Variants in CSPP1 observed in about 807,000 individuals in gnomAD.
CSPP1 encodes centrosome and spindle pole associated protein 1.
In CSPP1, 126 loss-of-function variants were observed where a neutral mutation model predicts 164.4. The observed-to-expected ratio is 0.77, with a 90% confidence interval of 0.66 to 0.89. The LOEUF (loss-of-function observed/expected upper bound fraction) is 0.89, where lower values mean the gene tolerates loss of function less well. Among genes scored for constraint, CSPP1 ranks in the 40% least tolerant of loss-of-function variants. CSPP1 has a pLI of 0.00. For missense variants in CSPP1, 1,395 were observed against 1,449.8 expected (o/e 0.96, Z 0.61); for synonymous variants, 472 against 476.7 (o/e 0.99, Z 0.13).
chr8:67,119,742 G>GT (rs1818625606), intron 15 of CSPP1, among the ~76,000 whole-genome samples: 1 of 151,932 alleles, frequency 6.6e-6, no homozygotes, highest in African/African-American at 2.4e-5. Context: ...TAGGTTGTTT[G>GT]TTTTTTGTTG....
In CSPP1 at chr8:67,137,471, G is replaced by A; in HGVS notation, c.1843G>A (p.Glu615Lys). 6.6e-7 allele frequency: 1 copy of A among 1,524,052 alleles called. No homozygotes were observed. The highest frequency in any genetic ancestry group is 8.9e-7 in the Non-Finnish European group (1 of 1,121,354). 94.4% of individuals were successfully genotyped at this position (1,524,052 alleles called of 1,614,324 possible). ...TGTTGTCAAGATTCGGGAAAGAGAA[G>A]AAAGAAGGAAGAAAGAACGTGAAGA... ...ALQQQIRERE[E>K]RRKKEREEKE... The change falls in exon 17 of 31, where the codon GAA becomes AAA. Residue 615 changes from glutamate to lysine, a missense_variant. Coordinates refer to ENST00000678616, the MANE Select transcript of CSPP1 (RefSeq NM_001382391.1).
chr8:67,129,247 T>C (rs1241038065), intron 15 of CSPP1, among the ~76,000 whole-genome samples: 1 of 152,160 alleles, frequency 6.6e-6, no homozygotes, highest in East Asian at 1.9e-4. Flanking sequence ...AAAATATTCC[T>C]TTTGAGATTC....
chr8:67,066,754 CAT>C (rs1426849674), intron 1 of CSPP1, among the ~76,000 whole-genome samples: 5 of 151,920 alleles, frequency 3.3e-5, no homozygotes, highest in African/African-American at 1.2e-4. Flanking sequence ...TACACACACA[CAT>C]ATATACACAC....
Position 67,145,221 on chromosome 8 carries a change from TTTTA to T in CSPP1, c.1976-4547_1976-4544del, listed in dbSNP as rs201471019. Among the ~76,000 whole-genome samples the T allele has an allele frequency of 2.6e-4, 39 of 152,272 alleles. No individual in the cohort carries two copies. In the East Asian group the frequency reaches 5.0e-3, roughly 20 times the overall value. On this transcript the variant is annotated intron_variant, in intron 17 of 30. Coordinates refer to ENST00000678616, the MANE Select transcript of CSPP1 (RefSeq NM_001382391.1). ...TTGAATCATTCAAGGAAATTATTCA[TTTTA>T]TTTATTTATTTATTGGCATAATGTT...
intron 1 of CSPP1, among the ~76,000 whole-genome samples, chr8:67,072,884 A>G (rs1456930574): frequency 6.6e-6 from 1 of 151,348 alleles, no homozygotes; most frequent in South Asian, 2.1e-4. Context: ...AAAAAAAAAA[A>G]AAAAAAGAAA....
Position 67,196,397 on chromosome 8 carries a change from G to GT in CSPP1, c.*805dup, listed in dbSNP as rs1394526247. The GT allele has an allele frequency of 6.6e-5, 10 of 152,312 alleles. No individual in the cohort carries two copies. Among genetic ancestry groups the GT allele is most frequent in the African/African-American group, 2.4e-4 (10 of 41,582 alleles). The allele number at this position is 152,312 out of a possible 1,614,324, so 9.4% of individuals were successfully genotyped here. A position where few individuals can be genotyped will look rare whatever the true frequency, so the allele number is the denominator to read the frequency against. ...TGGAACCTTGGATAAGTGAGTCCAT[G>GT]TGAGTTTTCTAATCACTCAGTAAGT... is the stretch of plus-strand genomic sequence containing the variant. On this transcript the variant is annotated 3_prime_UTR_variant, in exon 31 of 31. Transcript: ENST00000678616.
intron 1 of CSPP1, chr8:67,064,901 G>A (rs1412365992): frequency 2.2e-5 from 4 of 181,944 alleles, no homozygotes; most frequent in South Asian, 1.0e-4. Context: ...TACACGGTCC[G>A]GATTCCTGGG....
intron 28 of CSPP1, among the ~76,000 whole-genome samples, chr8:67,184,010 G>A (rs777069127): frequency 5.3e-5 from 8 of 151,860 alleles, no homozygotes; most frequent in South Asian, 2.1e-4. Flanking sequence ...CTGCCACCAC[G>A]CCTGGCTAAT....
intron 7 of CSPP1, among the ~76,000 whole-genome samples, chr8:67,102,477 C>T (rs982738527): frequency 7.9e-5 from 12 of 152,020 alleles, no homozygotes; most frequent in African/African-American, 2.9e-4. Flanking sequence ...ATAGTCCCAG[C>T]TACTTGGGAG....
chr8:67,132,150 A>G, intron 16 of CSPP1, 70 bp downstream of exon 16: 2 of 1,446,372 alleles, frequency 1.4e-6, no homozygotes, highest in Non-Finnish European at 1.9e-6. Context: ...TAGAGCTCAG[A>G]GTGTGGCCGG....
intron 9 of CSPP1, among the ~76,000 whole-genome samples, chr8:67,109,768 G>A (rs1816435344): frequency 6.6e-6 from 1 of 152,116 alleles, no homozygotes; most frequent in African/African-American, 2.4e-5. Context: ...TGGGGTTGGA[G>A]TGAAAGTTTA....
chr8:67,103,744 G>A (rs1814682873), intron 8 of CSPP1, among the ~76,000 whole-genome samples: 3 of 151,250 alleles, frequency 2.0e-5, no homozygotes, highest in African/African-American at 4.9e-5. Flanking sequence ...GGAGGCTGAG[G>A]CAGGAGAATG....
chr8:67,100,092 C>T (rs1020298204), intron 7 of CSPP1, among the ~76,000 whole-genome samples: 6 of 152,030 alleles, frequency 3.9e-5, no homozygotes, highest in African/African-American at 9.6e-5. Flanking sequence ...AAACATTTTT[C>T]GGTCTTGATC....
intron 15 of CSPP1, among the ~76,000 whole-genome samples, chr8:67,119,246 G>T (rs940976844): frequency 6.6e-6 from 1 of 152,098 alleles, no homozygotes; most frequent in Non-Finnish European, 1.5e-5. Flanking sequence ...CATTGTAATT[G>T]TATACAACAT....
At chr8:67,185,813 C>T (rs183127852) in intron 28 of CSPP1, among the ~76,000 whole-genome samples, 1 of 152,044 alleles carries the variant, frequency 6.6e-6, no homozygotes, top group Non-Finnish European at 1.5e-5. Flanking sequence ...ACAAGATACT[C>T]CAGCCAGAAA....
chr8:67,123,895 C>T lies in CSPP1; in HGVS notation c.1697+5074C>T, dbSNP rs192988877. On this transcript the variant is annotated intron_variant, in intron 15 of 30. Transcript: ENST00000678616. ...CTGGGATTACGGGCATGAGCCACCG[C>T]GGCCAGGCTCTTTTTTTTTTTTTTA... 3.8e-3 allele frequency among the ~76,000 whole-genome samples: 577 copies of T among 150,898 alleles called. 3 individuals carry two copies. The highest frequency in any genetic ancestry group is 5.6e-3 in the Non-Finnish European group (377 of 67,708).
intron 18 of CSPP1, among the ~76,000 whole-genome samples, chr8:67,153,183 C>CA (rs1826028075): frequency 6.6e-6 from 1 of 152,070 alleles, no homozygotes; most frequent in South Asian, 2.1e-4. Context: ...GCCTGGGTGA[C>CA]AGAGCAAGAC....
In CSPP1 at chr8:67,196,205, C is replaced by T. The variant is rs1837905826; in HGVS notation, c.*612C>T. Reference sequence around the variant, plus strand: ...GCCAATGAAGGCATTTGTCTTGTTACTAATTACATGATGTAACTACTTCTT... The same window carrying T: ...GCCAATGAAGGCATTTGTCTTGTTATTAATTACATGATGTAACTACTTCTT... On this transcript the variant is annotated 3_prime_UTR_variant, in exon 31 of 31. Coordinates refer to ENST00000678616, the MANE Select transcript of CSPP1 (RefSeq NM_001382391.1). 6.6e-6 allele frequency: 1 copy of T among 152,202 alleles called. No homozygotes were observed. The highest frequency in any genetic ancestry group is 1.5e-5 in the Non-Finnish European group (1 of 68,060). 9.4% of individuals were successfully genotyped at this position (152,202 alleles called of 1,614,324 possible). A position where few individuals can be genotyped will look rare whatever the true frequency, so the allele number is the denominator to read the frequency against.
At chr8:67,171,473 T>C (rs1402107782) in intron 24 of CSPP1, among the ~76,000 whole-genome samples, 1 of 151,986 alleles carries the variant, frequency 6.6e-6, no homozygotes, top group African/African-American at 2.4e-5. Flanking sequence ...ATTGTAGCCT[T>C]GGCCTCCTGG....
Sources: gnomAD v4.1 joint callset for allele counts (sites outside exome capture counted in the v4.1 genomes callset) on GRCh38, gnomAD v4.1.1 for gene constraint, MANE v1.5 for transcripts, NCBI Gene and HGNC (gene_info 2026-07-23, HGNC 2026-07-21) for gene names.